ROCK2: variants seen among roughly 807,000 people sequenced by gnomAD.
The protein encoded by ROCK2 is Rho associated coiled-coil containing protein kinase 2.
In ROCK2, 61 loss-of-function variants were observed where a neutral mutation model predicts 195.1. The ratio of observed to expected loss-of-function variants is 0.31; its 90% CI spans 0.25 to 0.39. ROCK2 has a LOEUF of 0.39. Ranked by LOEUF, ROCK2 falls within the 10% of genes least tolerant of loss-of-function variation. ROCK2 has a pLI of 1.00. For synonymous variants in ROCK2, 504 were observed against 545.5 expected (o/e 0.92, Z 1.06); for missense variants, 1,109 against 1,637.4 (o/e 0.68, Z 5.57).
chr2:11,251,432 T>A (rs1273095289), intron 3 of ROCK2, among the ~76,000 whole-genome samples: 1 of 152,236 alleles, frequency 6.6e-6, no homozygotes, highest in East Asian at 1.9e-4. Context: ...AGGTATTATT[T>A]CCCCATACTA....
At chr2:11,219,061 T>C (rs1048405660) in intron 9 of ROCK2, 35 bp from the exon 10 acceptor site, 2 of 1,220,544 alleles carry the variant, frequency 1.6e-6, no homozygotes, top group Non-Finnish European at 2.3e-6. Flanking sequence ...AATTTTTTCA[T>C]TTCATTTTAA....
At chr2:11,254,866 T>C (rs1665966075) in intron 3 of ROCK2, among the ~76,000 whole-genome samples, 1 of 149,286 alleles carries the variant, frequency 6.7e-6, no homozygotes, top group Non-Finnish European at 1.5e-5. Context: ...AAACCTAACA[T>C]TAAACCCTAA....
At chr2:11,211,648 G>A (rs762056832) in intron 18 of ROCK2, 33 bp downstream of exon 18, 3 of 1,533,138 alleles carry the variant, frequency 2.0e-6, no homozygotes, top group South Asian at 2.6e-5. Context: ...TTAGGAAGAC[G>A]CTGCTGGAAA....
At chr2:11,339,076 G>A (rs1252436084) in intron 1 of ROCK2, among the ~76,000 whole-genome samples, 2 of 152,046 alleles carry the variant, frequency 1.3e-5, no homozygotes, top group Admixed American at 6.6e-5. Flanking sequence ...ACTCACCAGC[G>A]GTACACTTCA....
intron 1 of ROCK2, among the ~76,000 whole-genome samples, chr2:11,341,198 C>T (rs1669096016): frequency 6.6e-6 from 1 of 152,132 alleles, no homozygotes; most frequent in African/African-American, 2.4e-5. Context: ...CACATAAAGC[C>T]ATGAGCCTTT....
chr2:11,214,285 G>A, intron 17 of ROCK2, 72 bp downstream of exon 17: 1 of 833,088 alleles, frequency 1.2e-6, no homozygotes, highest in Non-Finnish European at 1.9e-6. Context: ...ACTTCCCTTA[G>A]TTTAGAATAA....
chr2:11,331,083 A>T (rs569933671), intron 1 of ROCK2, among the ~76,000 whole-genome samples: 9 of 151,676 alleles, frequency 5.9e-5, no homozygotes, highest in African/African-American at 2.2e-4. Context: ...ATATTTTCTA[A>T]GTTTCCTTTG....
At chr2:11,233,106 C>G (rs1460121988) in intron 5 of ROCK2, among the ~76,000 whole-genome samples, 1 of 151,956 alleles carries the variant, frequency 6.6e-6, no homozygotes. Flanking sequence ...CCCAGCTACT[C>G]AGGAGGCTAA....
intron 1 of ROCK2, chr2:11,308,940 G>A (rs1667948168): frequency 1.2e-6 from 2 of 1,611,286 alleles, no homozygotes; most frequent in African/African-American, 2.7e-5. Flanking sequence ...CACAAGGAAT[G>A]ATCCTGACAT....
At position 11,285,261 on chromosome 2, in the gene ROCK2, TAAAAAAAAAAAA is replaced by T. The variant is rs35144359; in HGVS notation, c.324+1266_324+1277del. On this transcript the variant is annotated intron_variant, in intron 3 of 32. Coordinates refer to ENST00000315872, the MANE Select transcript of ROCK2 (RefSeq NM_004850.5). The stretch of plus-strand genomic sequence containing the variant: ...TGGGCAACAAGAGTGAAACTCTGTC[TAAAAAAAAAAAA>T]AAAAAAAAATGTTTAATAGGAGAAG... Among the ~76,000 whole-genome samples, 27 of 117,246 alleles carry T rather than the reference TAAAAAAAAAAAA, an allele frequency of 2.3e-4. No individual in the cohort carries two copies. The Admixed American group carries it at 2.4e-3, about 10-fold the overall frequency. 76.9% of individuals were successfully genotyped at this position (117,246 alleles called of 152,430 possible). A position where few individuals can be genotyped will look rare whatever the true frequency, so the allele number is the denominator to read the frequency against.
Position 11,183,566 on chromosome 2 carries a change from C to T in ROCK2, c.4164-126G>A, listed in dbSNP as rs1490042890. 8 of 633,484 alleles carry T rather than the reference C, an allele frequency of 1.3e-5. No individual in the cohort carries two copies. In the African/African-American group the frequency reaches 1.3e-4, roughly 11 times the overall value. 39.2% of individuals were successfully genotyped at this position (633,484 alleles called of 1,614,324 possible). On this transcript the variant is annotated intron_variant, in intron 32 of 32. Coordinates refer to ENST00000315872, the MANE Select transcript of ROCK2 (RefSeq NM_004850.5). ...GTCTTCCAGCTACTATATTTTTTAA[C>T]ACTAAAATCATGCATAAACATACTT...
intron 4 of ROCK2, among the ~76,000 whole-genome samples, chr2:11,238,684 T>C (rs1466434488): frequency 6.6e-6 from 1 of 152,080 alleles, no homozygotes; most frequent in Non-Finnish European, 1.5e-5. Flanking sequence ...TGTGTCTCTA[T>C]ACAAATATTA....
At chr2:11,343,720 G>A (rs1669184512) in intron 1 of ROCK2, among the ~76,000 whole-genome samples, 1 of 152,202 alleles carries the variant, frequency 6.6e-6, no homozygotes, top group Non-Finnish European at 1.5e-5. Context: ...GCAGGCGGAA[G>A]GAGAAGAGGG....
chr2:11,341,129 G>A (rs1157488303), intron 1 of ROCK2, among the ~76,000 whole-genome samples: 1 of 151,550 alleles, frequency 6.6e-6, no homozygotes, highest in Non-Finnish European at 1.5e-5. Context: ...GTAATACTAA[G>A]CGGCTCACAA....
chr2:11,299,664 G>A (rs1448326167), intron 1 of ROCK2, among the ~76,000 whole-genome samples: 3 of 152,164 alleles, frequency 2.0e-5, no homozygotes, highest in East Asian at 3.8e-4. Flanking sequence ...TAAGAACCAC[G>A]AAAGAACACA....
intron 1 of ROCK2, among the ~76,000 whole-genome samples, chr2:11,318,997 G>T (rs1460288235): frequency 6.6e-6 from 1 of 152,172 alleles, no homozygotes; most frequent in African/African-American, 2.4e-5. Context: ...TGTTGTTTTG[G>T]TTACTGTAGC....
intron 2 of ROCK2, among the ~76,000 whole-genome samples, chr2:11,287,166 T>A (rs1558361483): frequency 6.6e-6 from 1 of 152,236 alleles, no homozygotes; most frequent in Non-Finnish European, 1.5e-5. Flanking sequence ...ATTAATTGTT[T>A]TGAGAATTTC....
intron 1 of ROCK2, among the ~76,000 whole-genome samples, chr2:11,323,622 A>G (rs1558393648): frequency 6.6e-6 from 1 of 152,162 alleles, no homozygotes; most frequent in Admixed American, 6.5e-5. Context: ...TTTAAACCAT[A>G]TTTGAATTCG....
chr2:11,298,118 G>A (rs1206885298), intron 1 of ROCK2, among the ~76,000 whole-genome samples: 2 of 151,980 alleles, frequency 1.3e-5, no homozygotes, highest in Non-Finnish European at 2.9e-5. Flanking sequence ...GGTATATATA[G>A]ACATATATTT....
Sources: allele counts gnomAD v4.1 joint callset (sites outside exome capture counted in the v4.1 genomes callset), GRCh38; gene constraint gnomAD v4.1.1; transcripts MANE v1.5; gene names NCBI Gene and HGNC (gene_info 2026-07-23, HGNC 2026-07-21).